The following RGS7 variants were observed in gnomAD, a reference collection of about 807,000 sequenced individuals.
RGS7 encodes regulator of G-protein signaling 7.
Under a neutral mutation model 81.1 loss-of-function variants are expected in RGS7, and 27 were observed. The observed-to-expected ratio is 0.33, with a 90% confidence interval of 0.25 to 0.46. RGS7 has a LOEUF of 0.46. RGS7 is among the 20% of genes least tolerant of loss of function. The probability of loss-of-function intolerance (pLI) is 1.00; values close to 1 mark genes in which losing one functional copy is unlikely to be tolerated. For synonymous variants in RGS7, 208 were observed against 207.7 expected, an observed-to-expected ratio of 1.00 and a Z score of -0.01; for missense variants, 396 against 607.4, an observed-to-expected ratio of 0.65 and a Z score of 3.66.
At chr1:240,872,817 G>A (rs1375541081) in intron 6 of RGS7, among the ~76,000 whole-genome samples, 1 of 152,170 alleles carries the variant, frequency 6.6e-6, no homozygotes, top group Non-Finnish European at 1.5e-5. Flanking sequence ...ATTGGCTCAT[G>A]CCTGTAATCC....
At chr1:240,879,374 A>G (rs1442644279) in intron 6 of RGS7, among the ~76,000 whole-genome samples, 2 of 152,172 alleles carry the variant, frequency 1.3e-5, no homozygotes, top group Admixed American at 1.3e-4. Flanking sequence ...TTTATTTTAA[A>G]CGAGTCAGTG....
At chr1:241,322,431 C>G (rs2081265793) in intron 2 of RGS7, among the ~76,000 whole-genome samples, 1 of 152,232 alleles carries the variant, frequency 6.6e-6, no homozygotes, top group Non-Finnish European at 1.5e-5. Flanking sequence ...CACTCTTTAA[C>G]TGATACTAAA....
chr1:241,332,989 G>C (rs765699294), intron 2 of RGS7, among the ~76,000 whole-genome samples: 11 of 152,164 alleles, frequency 7.2e-5, no homozygotes, highest in Non-Finnish European at 1.3e-4. Flanking sequence ...CAGTGATGTC[G>C]GGCTGAGCCC....
intron 14 of RGS7, among the ~76,000 whole-genome samples, chr1:240,806,564 TA>T (rs1688883272): frequency 2.0e-5 from 3 of 147,614 alleles, no homozygotes. Context: ...TTTAAAAATA[TA>T]AATAAAAAAT....
intron 2 of RGS7, among the ~76,000 whole-genome samples, chr1:241,197,194 A>G (rs1293486270): frequency 6.6e-6 from 1 of 151,692 alleles, no homozygotes; most frequent in Admixed American, 6.6e-5. Flanking sequence ...AAGAATATAA[A>G]AAAGTTGAAA....
intron 2 of RGS7, among the ~76,000 whole-genome samples, chr1:241,266,472 T>C (rs1174304470): frequency 1.3e-5 from 2 of 152,214 alleles, no homozygotes; most frequent in Non-Finnish European, 2.9e-5. Flanking sequence ...AAGTGGCTTT[T>C]ATCAGGATTA....
At chr1:241,116,699 A>C (rs1346410249) in intron 2 of RGS7, among the ~76,000 whole-genome samples, 1 of 152,192 alleles carries the variant, frequency 6.6e-6, no homozygotes, top group Non-Finnish European at 1.5e-5. Context: ...CATGGGGTAC[A>C]TAGTGATGTT....
In RGS7 at chr1:241,144,963, G is replaced by GTCCGTGTTCA. The variant is rs1553268280; in HGVS notation, c.79-46202_79-46201insTGAACACGGA. On this transcript the variant is annotated intron_variant, in intron 2 of 18. Coordinates refer to ENST00000440928, the MANE Select transcript of RGS7 (RefSeq NM_001364886.1). This position sits in a 1 kb window ranked among gnomAD's most constrained non-coding sequence, Gnocchi z 4.7. The stretch of plus-strand genomic sequence containing the variant: ...TGTGTGTGTGTGTGTGTGTGTGTGT[G>GTCCGTGTTCA]TTCGTGTTCATTCTTCCTGTTCCTG... Among the ~76,000 whole-genome samples the GTCCGTGTTCA allele has an allele frequency of 2.4e-4, 35 of 144,814 alleles. 1 individual carries two copies. Among genetic ancestry groups the GTCCGTGTTCA allele is most frequent in the Middle Eastern group, 3.5e-3 (1 of 284 alleles).
chr1:240,919,676 A>T, intron 6 of RGS7: 1 of 545,566 alleles, frequency 1.8e-6, no homozygotes, highest in Non-Finnish European at 3.4e-6. Flanking sequence ...AGTCTCCTAA[A>T]GAACCGAACA....
chr1:240,898,068 G>A (rs113677635), intron 6 of RGS7, among the ~76,000 whole-genome samples: 22,629 of 152,020 alleles, frequency 0.15, 1,769 homozygotes, highest in Middle Eastern at 0.18. Context: ...GTTTATTTGC[G>A]TAGAGGTGTT....
chr1:240,897,902 C>T (rs952446332), intron 6 of RGS7, among the ~76,000 whole-genome samples: 1 of 152,068 alleles, frequency 6.6e-6, no homozygotes, highest in Admixed American at 6.6e-5. Context: ...GCTGTGAATC[C>T]GTCTGGTACC....
At chr1:241,116,206 T>G (rs1381323247) in intron 2 of RGS7, among the ~76,000 whole-genome samples, 1 of 152,140 alleles carries the variant, frequency 6.6e-6, no homozygotes, top group Non-Finnish European at 1.5e-5. Flanking sequence ...ACTCTAAAAC[T>G]TGCATTATAC....
At chr1:240,998,786 G>A (rs1013691623) in intron 3 of RGS7, 21 of 670,940 alleles carry the variant, frequency 3.1e-5, no homozygotes, top group African/African-American at 2.5e-4. Flanking sequence ...GCTGGGAGAC[G>A]AAGGCCATGG....
At chr1:241,162,705 G>A (rs2069829818) in intron 2 of RGS7, among the ~76,000 whole-genome samples, 2 of 152,144 alleles carry the variant, frequency 1.3e-5, no homozygotes, top group Admixed American at 1.3e-4. Flanking sequence ...GGCAAGGATC[G>A]AGTTTCTGCA....
chr1:241,279,685 CCTT>C (rs1398127421), intron 2 of RGS7, among the ~76,000 whole-genome samples: 1 of 152,162 alleles, frequency 6.6e-6, no homozygotes, highest in Admixed American at 6.6e-5. Flanking sequence ...CCATTTATTG[CCTT>C]TTTTATCACC....
intron 2 of RGS7, among the ~76,000 whole-genome samples, chr1:241,128,155 T>A (rs2066805960): frequency 6.6e-6 from 1 of 151,896 alleles, no homozygotes. Context: ...CGGGCGCCTT[T>A]AGTCCCAGCT....
chr1:241,130,537 C>A (rs939071950), intron 2 of RGS7, among the ~76,000 whole-genome samples: 1 of 151,968 alleles, frequency 6.6e-6, no homozygotes, highest in African/African-American at 2.4e-5. Context: ...TTTCAATTGT[C>A]CATGTCTGTT....
rs3748605 is a variant in RGS7, at chr1:241,356,700, G to A, written c.-51+199C>T. Among the ~76,000 whole-genome samples, 19 of 150,992 alleles carry A rather than the reference G, an allele frequency of 1.3e-4. No individual in the cohort carries two copies. In the East Asian group the frequency reaches 3.8e-3, roughly 30 times the overall value. ...GTGCCCCGCGCCGCGGCGGCCGCCGGAGCCGGGCAGCAGTTTCAGCACCGT... is the reference window on the plus strand; with the variant it reads ...GTGCCCCGCGCCGCGGCGGCCGCCGAAGCCGGGCAGCAGTTTCAGCACCGT... On this transcript the variant is annotated intron_variant, in intron 1 of 18. Coordinates refer to ENST00000440928, the MANE Select transcript of RGS7 (RefSeq NM_001364886.1).
At chr1:240,897,416 G>A (rs547769803) in intron 6 of RGS7, among the ~76,000 whole-genome samples, 2 of 152,256 alleles carry the variant, frequency 1.3e-5, no homozygotes, top group East Asian at 3.9e-4. Context: ...TTGGCTGTGG[G>A]TCTGTCATAA....
Sources: allele counts gnomAD v4.1 joint callset (sites outside exome capture counted in the v4.1 genomes callset), GRCh38; gene constraint gnomAD v4.1.1; non-coding constraint Gnocchi (gnomAD v3.1); transcripts MANE v1.5; gene names NCBI Gene and HGNC (gene_info 2026-07-23, HGNC 2026-07-21).